KLHL7: variants seen among roughly 807,000 people sequenced by gnomAD.
KLHL7 encodes the protein kelch-like protein 7.
Under a neutral mutation model 67.4 loss-of-function variants are expected in KLHL7, and 44 were observed. The observed-to-expected ratio is 0.65, with a 90% CI of 0.51 to 0.84. The LOEUF (loss-of-function observed/expected upper bound fraction) is 0.84, where lower values mean the gene tolerates loss of function less well. KLHL7 is among the 40% of genes least tolerant of loss of function. The probability of loss-of-function intolerance (pLI) is 0.00; values close to 1 mark genes in which losing one functional copy is unlikely to be tolerated. For missense variants in KLHL7, 362 were observed against 718.1 expected (o/e 0.50, Z 5.67); for synonymous variants, 252 against 243.3 (o/e 1.04, Z -0.33).
Position 23,142,401 on chromosome 7 carries a change from G to A in KLHL7, c.619-1450G>A, listed in dbSNP as rs888006398. ...AATGTTCTTTTGCCCAGTCTTCTTC[G>A]TGGCCCAGAGTATCAATTTGCAAAT... On this transcript the variant is annotated intron_variant, in intron 5 of 10. Coordinates refer to ENST00000339077, the MANE Select transcript of KLHL7 (RefSeq NM_001031710.3). Among the ~76,000 whole-genome samples, 30 of 152,098 alleles carry A rather than the reference G, an allele frequency of 2.0e-4. 1 individual carries two copies. Among genetic ancestry groups the A allele is most frequent in the Admixed American group, 1.4e-3 (22 of 15,292 alleles).
chr7:23,124,373 C>G (rs1783483740), intron 2 of KLHL7, among the ~76,000 whole-genome samples: 1 of 151,740 alleles, frequency 6.6e-6, no homozygotes, highest in African/African-American at 2.4e-5. Context: ...GAACTGGGTC[C>G]AAGTCCTACT....
chr7:23,137,893 C>G (rs1459444602), intron 4 of KLHL7, among the ~76,000 whole-genome samples: 1 of 129,974 alleles, frequency 7.7e-6, no homozygotes, highest in Non-Finnish European at 1.6e-5. Context: ...AGCATAAAAC[C>G]TGGCCAGGCA....
chr7:23,121,775 T>C (rs1382638698), intron 1 of KLHL7, among the ~76,000 whole-genome samples: 1 of 150,482 alleles, frequency 6.6e-6, no homozygotes, highest in Non-Finnish European at 1.5e-5. Flanking sequence ...CTCCGCCTCC[T>C]GGGTTCATGC....
At chr7:23,125,375 A>G (rs1322460523) in intron 4 of KLHL7, 3 of 591,134 alleles carry the variant, frequency 5.1e-6, no homozygotes, top group Non-Finnish European at 8.7e-6. Flanking sequence ...TAAATATTAT[A>G]TCAACATTTT....
intron 5 of KLHL7, among the ~76,000 whole-genome samples, chr7:23,143,062 T>TA (rs1467340114): frequency 6.6e-6 from 1 of 152,098 alleles, no homozygotes; most frequent in Non-Finnish European, 1.5e-5. Context: ...TAAATTTGTT[T>TA]AAAAAAAGAC....
intron 1 of KLHL7, among the ~76,000 whole-genome samples, chr7:23,112,041 G>A (rs1782897885): frequency 6.6e-6 from 1 of 152,124 alleles, no homozygotes; most frequent in Non-Finnish European, 1.5e-5. Context: ...ACTTGGTGAT[G>A]ATAACTGCCA....
chr7:23,135,005 G>A (rs928487664), intron 4 of KLHL7, among the ~76,000 whole-genome samples: 1 of 151,480 alleles, frequency 6.6e-6, no homozygotes, highest in African/African-American at 2.4e-5. Flanking sequence ...TGCTTTTCTA[G>A]TTCTTTAAGA....
At chr7:23,106,374 G>A in intron 1 of KLHL7, 1 of 1,376,998 alleles carries the variant, frequency 7.3e-7, no homozygotes, top group Admixed American at 2.9e-5. Flanking sequence ...TCCCAAGTCA[G>A]ACTCCTGGGG....
In KLHL7 at chr7:23,174,590, T is replaced by G. The variant is rs1322215775; in HGVS notation, c.*292T>G. On this transcript the variant is annotated 3_prime_UTR_variant, in exon 11 of 11. Transcript: ENST00000339077. ...AATTTCACATTTGTAACTATGATTT[T>G]GGCAGAATAGAAGATTGGCTCATCA... The G allele has an allele frequency of 5.7e-6, 3 of 525,452 alleles. No individual in the cohort carries two copies. Among genetic ancestry groups the G allele is most frequent in the Non-Finnish European group, 1.1e-5 (3 of 274,036 alleles). 32.5% of individuals were successfully genotyped at this position (525,452 alleles called of 1,614,324 possible). A position where few individuals can be genotyped will look rare whatever the true frequency, so the allele number is the denominator to read the frequency against.
chr7:23,168,692 C>T (rs893492264), intron 9 of KLHL7, among the ~76,000 whole-genome samples: 5 of 152,124 alleles, frequency 3.3e-5, no homozygotes, highest in African/African-American at 1.2e-4. Context: ...TGAGTAGTGA[C>T]ATTAAAGCTG....
In KLHL7 at chr7:23,175,028, C is replaced by T. The variant is rs141265321; in HGVS notation, c.*730C>T. Reference sequence around the variant, plus strand: ...TAAAAAAGGATTCTGCCTCTTTAGTCCTCACTGTTAAATAAAACCCAATCA... The same window carrying T: ...TAAAAAAGGATTCTGCCTCTTTAGTTCTCACTGTTAAATAAAACCCAATCA... On this transcript the variant is annotated 3_prime_UTR_variant, in exon 11 of 11. Transcript: ENST00000339077. 670 of 452,278 alleles carry T rather than the reference C, an allele frequency of 1.5e-3. 6 individuals are homozygous for T. Among genetic ancestry groups the T allele is most frequent in the African/African-American group, 0.013 (630 of 49,972 alleles). The allele number at this position is 452,278 out of a possible 1,614,324, so 28.0% of individuals were successfully genotyped here.
intron 4 of KLHL7, chr7:23,126,100 G>A (rs941353621): frequency 3.7e-6 from 2 of 543,198 alleles, no homozygotes; most frequent in East Asian, 3.7e-5. Flanking sequence ...AGTAAAATAA[G>A]GGTTACTTGA....
At chr7:23,163,266 G>C (rs1326172731) in intron 7 of KLHL7, among the ~76,000 whole-genome samples, 1 of 152,004 alleles carries the variant, frequency 6.6e-6, no homozygotes, top group Non-Finnish European at 1.5e-5. Flanking sequence ...TGCCTCCCAG[G>C]TTCAAGCAAC....
intron 7 of KLHL7, among the ~76,000 whole-genome samples, chr7:23,164,334 C>A (rs1784937008): frequency 6.6e-6 from 1 of 151,996 alleles, no homozygotes; most frequent in Admixed American, 6.6e-5. Flanking sequence ...GCTACATAAA[C>A]CTGATTAGAT....
intron 7 of KLHL7, among the ~76,000 whole-genome samples, chr7:23,163,144 T>C (rs1394009025): frequency 6.6e-6 from 1 of 152,138 alleles, no homozygotes; most frequent in Non-Finnish European, 1.5e-5. Flanking sequence ...ATTTAGAACT[T>C]ATCACTCCCA....
chr7:23,172,969 G>A lies in KLHL7; in HGVS notation c.1401G>A (p.Met467Ile). ...ATETWTELCP[M>I]IEARKNHGLV... ...TCAGATGGACTGAGCTGTGTCCAAT[G>A]ATTGAAGCCAGGAAGAATCATGGGC... is the stretch of plus-strand genomic sequence containing the variant. The change falls in exon 10 of 11, where the codon ATG becomes ATA. Residue 467 changes from methionine (M) to isoleucine (I), a missense_variant. By Grantham distance (10) the Met-to-Ile change is conservative. This residue lies in a region of KLHL7 where 136 missense variants were observed against 252.7 expected (regional missense o/e 0.54). Transcript: ENST00000339077. 1 of 1,613,788 alleles carries A rather than the reference G, an allele frequency of 6.2e-7. No individual in the cohort carries two copies. Among genetic ancestry groups the A allele is most frequent in the Non-Finnish European group, 8.5e-7 (1 of 1,179,768 alleles).
chr7:23,148,322 A>G (rs1320841775), intron 6 of KLHL7, among the ~76,000 whole-genome samples: 1 of 152,094 alleles, frequency 6.6e-6, no homozygotes, highest in African/African-American at 2.4e-5. Flanking sequence ...GAGGTTGTCA[A>G]AGGAAAAGGA....
At chr7:23,153,059 A>G (rs1372506664) in intron 7 of KLHL7, among the ~76,000 whole-genome samples, 2 of 152,238 alleles carry the variant, frequency 1.3e-5, no homozygotes, top group Non-Finnish European at 2.9e-5. Flanking sequence ...TTTCAAGCCT[A>G]CATCCTTCTG....
chr7:23,120,809 T>C (rs1453036300), intron 1 of KLHL7, among the ~76,000 whole-genome samples: 1 of 152,186 alleles, frequency 6.6e-6, no homozygotes, highest in East Asian at 1.9e-4. Context: ...CAAGCAATTC[T>C]GCCTTAGCCT....
Sources: gnomAD v4.1 joint callset for allele counts (sites outside exome capture counted in the v4.1 genomes callset) on GRCh38, gnomAD v4.1.1 for gene constraint, gnomAD v4.1.1 regional missense constraint, MANE v1.5 for transcripts, NCBI Gene and HGNC (gene_info 2026-07-23, HGNC 2026-07-21) for gene names.